The following SDK1 variants were observed in gnomAD, a reference collection of about 807,000 sequenced individuals.
SDK1 encodes protein sidekick-1.
A neutral mutation model predicts 245.5 loss-of-function variants in SDK1; 157 were observed. The ratio of observed to expected loss-of-function variants is 0.64; its 90% CI spans 0.56 to 0.73. The LOEUF is 0.73. Ranked by LOEUF, SDK1 falls within the 30% of genes least tolerant of loss-of-function variation. The pLI is 0.00. For synonymous variants in SDK1, 1,647 were observed against 1,278.5 expected (o/e 1.29, Z -6.15); for missense variants, 3,583 against 3,002.3 (o/e 1.19, Z -4.52).
intron 17 of SDK1, among the ~76,000 whole-genome samples, chr7:4,025,662 G>C (rs1028374838): frequency 6.6e-6 from 1 of 152,180 alleles, no homozygotes; most frequent in Non-Finnish European, 1.5e-5. Flanking sequence ...CCATATCCAA[G>C]CACAATGCCT....
intron 1 of SDK1, among the ~76,000 whole-genome samples, chr7:3,468,279 A>G (rs1397271947): frequency 2.0e-5 from 3 of 152,202 alleles, no homozygotes; most frequent in Non-Finnish European, 4.4e-5. Context: ...TGATATAAAC[A>G]AAAAGTGGTT....
At chr7:3,614,473 T>A (rs1647380767) in intron 1 of SDK1, among the ~76,000 whole-genome samples, 1 of 152,220 alleles carries the variant, frequency 6.6e-6, no homozygotes, top group Non-Finnish European at 1.5e-5. Context: ...TTTTATAACT[T>A]TACCTTAGAG....
At chr7:4,106,592 G>T (rs935989335) in intron 22 of SDK1, among the ~76,000 whole-genome samples, 3 of 152,118 alleles carry the variant, frequency 2.0e-5, no homozygotes, top group African/African-American at 4.8e-5. Flanking sequence ...CACCGCGCCC[G>T]GCCAGCCCCC....
chr7:3,645,858 T>TTTTTTA (rs1355638983), intron 4 of SDK1, among the ~76,000 whole-genome samples: 1 of 152,104 alleles, frequency 6.6e-6, no homozygotes, highest in African/African-American at 2.4e-5. Context: ...CACCTATTTT[T>TTTTTTA]TTTTTATTTT....
chr7:3,611,620 C>T (rs142774240), intron 1 of SDK1, among the ~76,000 whole-genome samples: 1 of 152,130 alleles, frequency 6.6e-6, no homozygotes, highest in South Asian at 2.1e-4. Flanking sequence ...AGGGAATCTT[C>T]ACACTGTTTT....
At chr7:3,523,060 G>A (rs1248628353) in intron 1 of SDK1, among the ~76,000 whole-genome samples, 1 of 69,780 alleles carries the variant, frequency 1.4e-5, no homozygotes, top group Non-Finnish European at 2.9e-5. Flanking sequence ...TCATGAAACA[G>A]GTGATGTAAC....
chr7:3,843,239 CTGTT>C (rs1405467611), intron 5 of SDK1, among the ~76,000 whole-genome samples: 1 of 152,214 alleles, frequency 6.6e-6, no homozygotes, highest in Non-Finnish European at 1.5e-5. Flanking sequence ...CTTTCCTCAA[CTGTT>C]TGTAAACTTA....
intron 1 of SDK1, among the ~76,000 whole-genome samples, chr7:3,547,820 G>A (rs1031831118): frequency 6.6e-6 from 1 of 152,180 alleles, no homozygotes; most frequent in African/African-American, 2.4e-5. Context: ...GCAGATACCC[G>A]TCAGCCTTAA....
chr7:3,513,732 C>T (rs1264524603), intron 1 of SDK1, among the ~76,000 whole-genome samples: 1 of 152,124 alleles, frequency 6.6e-6, no homozygotes, highest in African/African-American at 2.4e-5. Flanking sequence ...ATGAGCCCAT[C>T]ACCCAGGTAG....
At chr7:4,183,565 C>T (rs566733490) in intron 35 of SDK1, among the ~76,000 whole-genome samples, 7 of 149,184 alleles carry the variant, frequency 4.7e-5, no homozygotes, top group Non-Finnish European at 8.9e-5. Flanking sequence ...AACCGGAACC[C>T]GGGAGGCAGA....
At chr7:3,861,803 A>C (rs986511144) in intron 5 of SDK1, among the ~76,000 whole-genome samples, 2 of 152,170 alleles carry the variant, frequency 1.3e-5, no homozygotes, top group South Asian at 2.1e-4. Flanking sequence ...ATGTGAACCT[A>C]AGTTGAAAAA....
chr7:3,398,945 A>G (rs2128572650), intron 1 of SDK1, among the ~76,000 whole-genome samples: 1 of 152,142 alleles, frequency 6.6e-6, no homozygotes, highest in Middle Eastern at 3.4e-3. Context: ...TCTCTGGTGT[A>G]TCTAAGAATT....
chr7:3,852,736 G>GCAA (rs1358865800), intron 5 of SDK1, among the ~76,000 whole-genome samples: 24 of 105,482 alleles, frequency 2.3e-4, no homozygotes, highest in Non-Finnish European at 3.2e-4. Flanking sequence ...GGGAGACAGA[G>GCAA]CAAGACTCCG....
intron 5 of SDK1, among the ~76,000 whole-genome samples, chr7:3,928,373 A>C (rs988772361): frequency 1.1e-4 from 17 of 152,258 alleles, no homozygotes; most frequent in Admixed American, 6.5e-4. Context: ...TCTACAACTT[A>C]GAAACCTTTC....
intron 1 of SDK1, among the ~76,000 whole-genome samples, chr7:3,574,630 C>T (rs372493606): frequency 6.6e-6 from 1 of 152,062 alleles, no homozygotes; most frequent in African/African-American, 2.4e-5. Flanking sequence ...CCTGTAATCC[C>T]AGTCCGCATC....
At chr7:3,364,894 A>G (rs1195947822) in intron 1 of SDK1, among the ~76,000 whole-genome samples, 8 of 152,182 alleles carry the variant, frequency 5.3e-5, no homozygotes, top group Admixed American at 4.6e-4. Context: ...CTTCCAATCT[A>G]TGAACATGGT....
intron 5 of SDK1, among the ~76,000 whole-genome samples, chr7:3,911,388 A>G (rs1279846469): frequency 6.6e-6 from 1 of 152,138 alleles, no homozygotes; most frequent in African/African-American, 2.4e-5. Context: ...TACTGCTCAC[A>G]GTTCTGGAGG....
At chr7:3,549,093 G>T (rs965798598) in intron 1 of SDK1, among the ~76,000 whole-genome samples, 1 of 152,238 alleles carries the variant, frequency 6.6e-6, no homozygotes, top group African/African-American at 2.4e-5. Context: ...GCCATTCAAT[G>T]TAAGTGCAGC....
At chr7:3,838,388 A>G (rs2115084019) in intron 5 of SDK1, among the ~76,000 whole-genome samples, 1 of 152,328 alleles carries the variant, frequency 6.6e-6, no homozygotes, top group East Asian at 1.9e-4. Flanking sequence ...GGGAATTGGA[A>G]GGTTTCCCCT....
Sources: gnomAD v4.1 joint callset for allele counts (sites outside exome capture counted in the v4.1 genomes callset) on GRCh38, gnomAD v4.1.1 for gene constraint, MANE v1.5 for transcripts, NCBI Gene and HGNC (gene_info 2026-07-23, HGNC 2026-07-21) for gene names.